ECE1: variants seen among roughly 807,000 people sequenced by gnomAD.
The protein encoded by ECE1 is endothelin converting enzyme 1.
A neutral mutation model predicts 98.6 loss-of-function variants in ECE1; 35 were observed. That is an observed-to-expected ratio of 0.35 (90% confidence interval 0.27 to 0.47). The LOEUF (loss-of-function observed/expected upper bound fraction) is 0.47. Among genes scored for constraint, ECE1 ranks in the 20% least tolerant of loss-of-function variants. ECE1 has a pLI of 1.00. For synonymous variants in ECE1, 394 were observed against 407.1 expected, an observed-to-expected ratio of 0.97 and a Z score of 0.39; for missense variants, 814 against 1,025.3, an observed-to-expected ratio of 0.79 and a Z score of 2.81.
In ECE1 at chr1:21,260,272, C is replaced by T; in HGVS notation, c.614G>A (p.Arg205Lys). 6.2e-7 allele frequency: 1 copy of T among 1,614,258 alleles called. No individual in the cohort carries two copies. Among genetic ancestry groups the T allele is most frequent in the Non-Finnish European group, 8.5e-7 (1 of 1,180,048 alleles). The change falls in exon 5 of 19, where the codon AGG becomes AAG. Residue 205 changes from arginine (R) to lysine (K), a missense_variant and splice_region_variant. Arg to Lys is a conservative substitution (Grantham distance 26, BLOSUM62 2). Around this residue, in one of 3 missense-constraint regions of ECE1, gnomAD observed 257 missense variants for 278.9 expected, o/e 0.92. Transcript: ENST00000374893. This position sits in a 1 kb window ranked among gnomAD's most constrained non-coding sequence, Gnocchi z 4.3. ...GGAGGGAGAGCCCGAGGCACTCACC[C>T]TCTCAATCAACTCCATTAGAGGTTT... ...RAKPLMELIE[R>K]LGGWNITGPW...
At chr1:21,324,214 G>A in intron 1 of ECE1, among the ~76,000 whole-genome samples, 1 of 152,090 alleles carries the variant, frequency 6.6e-6, no homozygotes, top group East Asian at 1.9e-4. Flanking sequence ...CATAGCTCAT[G>A]CAGCCTTGAC....
At chr1:21,328,754 C>A (rs1266114767) in intron 1 of ECE1, among the ~76,000 whole-genome samples, 20 of 142,544 alleles carry the variant, frequency 1.4e-4, no homozygotes, top group African/African-American at 5.4e-4. Flanking sequence ...CAAGAGCGAA[C>A]CTCCATCTCG....
Position 21,236,736 on chromosome 1 carries a change from C to T in ECE1, c.1488+10G>A. 1 of 1,613,778 alleles carries T rather than the reference C, an allele frequency of 6.2e-7. No homozygotes were observed. On this transcript the variant is annotated intron_variant, in intron 12 of 18. Transcript: ENST00000374893. ...CGCAGCACCCCCTCCAAGTGCCTGG[C>T]CAGCCTCACCTTTTCCTTGGCTGAT...
chr1:21,255,161 T>C (rs1469750824), intron 8 of ECE1, among the ~76,000 whole-genome samples: 1 of 152,016 alleles, frequency 6.6e-6, no homozygotes, highest in East Asian at 1.9e-4. Flanking sequence ...GGACAACAGG[T>C]CAAATTCGGC....
Position 21,219,752 on chromosome 1 carries a change from G to A in ECE1, c.*203C>T, listed in dbSNP as rs1412034616. ...TGAAGGTGGCGCACACGTGTGCCTG[G>A]GATGTCCGGCTCTTCACAGGGGATC... On this transcript the variant is annotated 3_prime_UTR_variant, in exon 19 of 19. Transcript: ENST00000374893. This position sits in a 1 kb window ranked among gnomAD's most constrained non-coding sequence, Gnocchi z 4.5. The A allele has an allele frequency of 1.3e-4, 83 of 655,732 alleles. 1 individual carries two copies. Among genetic ancestry groups the A allele is most frequent in the Non-Finnish European group, 4.8e-5 (18 of 375,984 alleles). 40.6% of individuals were successfully genotyped at this position (655,732 alleles called of 1,614,324 possible). A position where few individuals can be genotyped will look rare whatever the true frequency, so the allele number is the denominator to read the frequency against.
rs28367958 is a variant in ECE1, at chr1:21,271,492, T to C, written c.493+1207A>G. On this transcript the variant is annotated intron_variant, in intron 4 of 18. Transcript: ENST00000374893. ...TAAAACAATCAGTATTTGTCGGATCTAGGTTCTGTTGTTGATGGATAAATT... is the reference window on the plus strand; with the variant it reads ...TAAAACAATCAGTATTTGTCGGATCCAGGTTCTGTTGTTGATGGATAAATT... 5.9e-3 allele frequency among the ~76,000 whole-genome samples: 893 copies of C among 152,296 alleles called. 3 individuals are homozygous for C. The highest frequency in any genetic ancestry group is 0.01 in the Non-Finnish European group (701 of 68,012).
chr1:21,238,425 A>T (rs1573948136), intron 10 of ECE1, 181 bp from the exon 11 acceptor site: 5 of 644,142 alleles, frequency 7.8e-6, no homozygotes, highest in Non-Finnish European at 1.4e-5. Flanking sequence ...CCTCACTCCC[A>T]CCCCCTGCCA....
At chr1:21,278,509 T>C (rs2098250224) in intron 3 of ECE1, among the ~76,000 whole-genome samples, 1 of 152,228 alleles carries the variant, frequency 6.6e-6, no homozygotes, top group Admixed American at 6.5e-5. Context: ...AGCCTGGGCT[T>C]GAGCCCAGTA....
chr1:21,239,759 A>C (rs759733636), intron 10 of ECE1, among the ~76,000 whole-genome samples: 3 of 151,990 alleles, frequency 2.0e-5, no homozygotes, highest in African/African-American at 4.8e-5. Flanking sequence ...CTATCTTTCT[A>C]AAATTTTTTA....
chr1:21,246,437 T>C (rs1221850162), intron 9 of ECE1, among the ~76,000 whole-genome samples: 2 of 144,566 alleles, frequency 1.4e-5, no homozygotes, highest in Admixed American at 1.4e-4. Flanking sequence ...AAGCAGAGGT[T>C]GCAGTGAGTT....
intron 4 of ECE1, among the ~76,000 whole-genome samples, chr1:21,263,588 G>A (rs773110374): frequency 3.0e-4 from 45 of 151,928 alleles, no homozygotes; most frequent in African/African-American, 9.7e-4. Context: ...ATCTCTTGAC[G>A]TGTGATCTGC....
At chr1:21,227,069 G>T in intron 16 of ECE1, 90 bp downstream of exon 16, 1 of 1,321,758 alleles carries the variant, frequency 7.6e-7, no homozygotes, top group Non-Finnish European at 1.1e-6. Context: ...TGTTGCCCAG[G>T]CTGGTCTCAA....
At chr1:21,343,337 G>A (rs1243934754) in intron 1 of ECE1, among the ~76,000 whole-genome samples, 4 of 152,134 alleles carry the variant, frequency 2.6e-5, no homozygotes, top group Admixed American at 6.6e-5. Context: ...AAAGTATCAC[G>A]GTCTCCTCCC....
chr1:21,258,766 T>C lies in ECE1; in HGVS notation c.689A>G (p.His230Arg). 1 of 1,614,168 alleles carries C rather than the reference T, an allele frequency of 6.2e-7. No homozygotes were observed. The highest frequency in any genetic ancestry group is 8.5e-7 in the Non-Finnish European group (1 of 1,180,018). Residue 230 changes from histidine (H) to arginine (R), a missense_variant, in exon 6 of 19, where the codon CAC becomes CGC. Physicochemically the swap from His to Arg is conservative, Grantham distance 29 (BLOSUM62 0). Transcript: ENST00000374893. This position sits in a 1 kb window ranked among gnomAD's most constrained non-coding sequence, Gnocchi z 4.2. The stretch of plus-strand genomic sequence containing the variant: ...AGAGAAGAAGGGTGAGGTGCGGTAG[T>C]GGGCGGTGACCACCTGCAGGGTGTC... The part of the protein sequence containing the change: ...FQDTLQVVTA[H>R]YRTSPFFSVY...
intron 14 of ECE1, 93 bp from the exon 15 acceptor site, chr1:21,228,134 G>C: frequency 3.0e-6 from 3 of 1,001,946 alleles, no homozygotes; most frequent in East Asian, 2.7e-5. Context: ...TCGGGAATAA[G>C]GGCATTAAAA....
intron 10 of ECE1, among the ~76,000 whole-genome samples, chr1:21,243,627 C>T (rs1488940521): frequency 2.6e-5 from 4 of 152,222 alleles, no homozygotes; most frequent in African/African-American, 9.7e-5. Context: ...GTATGTTCCA[C>T]ACACAGACCA....
At chr1:21,344,531 G>T (rs973024470) in intron 1 of ECE1, among the ~76,000 whole-genome samples, 1 of 152,186 alleles carries the variant, frequency 6.6e-6, no homozygotes, top group African/African-American at 2.4e-5. Flanking sequence ...TGGACAAAGG[G>T]CCTTTGCTCT....
At chr1:21,317,064 G>T (rs937238698) in intron 1 of ECE1, among the ~76,000 whole-genome samples, 1 of 152,056 alleles carries the variant, frequency 6.6e-6, no homozygotes, top group South Asian at 2.1e-4. Context: ...CGGACTGGGG[G>T]TGTGGGGGTA....
intron 1 of ECE1, among the ~76,000 whole-genome samples, chr1:21,323,351 C>T (rs532630857): frequency 7.2e-5 from 11 of 152,326 alleles, no homozygotes; most frequent in East Asian, 1.9e-4. Flanking sequence ...GATACTCTGC[C>T]AGGGGCTCAC....
Sources: allele counts gnomAD v4.1 joint callset (sites outside exome capture counted in the v4.1 genomes callset), GRCh38; gene constraint gnomAD v4.1.1; regional missense constraint gnomAD v4.1.1; non-coding constraint Gnocchi (gnomAD v3.1); transcripts MANE v1.5; gene names NCBI Gene and HGNC (gene_info 2026-07-23, HGNC 2026-07-21).